Variants in RFX7 observed in about 807,000 individuals in gnomAD.
The protein encoded by RFX7 is regulatory factor X7.
Under a neutral mutation model 111.8 loss-of-function variants are expected in RFX7, and 26 were observed. The observed-to-expected ratio is 0.23, with a 90% confidence interval of 0.17 to 0.32. RFX7 has a LOEUF of 0.32. Among genes scored for constraint, RFX7 ranks in the 10% least tolerant of loss-of-function variants. The probability of loss-of-function intolerance (pLI) is 1.00; values close to 1 mark genes in which losing one functional copy is unlikely to be tolerated. For synonymous variants in RFX7, 624 were observed against 624.4 expected, an observed-to-expected ratio of 1.00 and a Z score of 0.01; for missense variants, 1,573 against 1,772.9, an observed-to-expected ratio of 0.89 and a Z score of 2.02.
At chr15:56,164,719 T>G (rs2042763417) in intron 3 of RFX7, among the ~76,000 whole-genome samples, 1 of 152,160 alleles carries the variant, frequency 6.6e-6, no homozygotes, top group African/African-American at 2.4e-5. Flanking sequence ...ATTTTTTTTC[T>G]TTTTTAGGTT....
At chr15:56,238,272 A>T (rs1417768213) in intron 2 of RFX7, among the ~76,000 whole-genome samples, 3 of 152,108 alleles carry the variant, frequency 2.0e-5, no homozygotes, top group African/African-American at 7.2e-5. Flanking sequence ...GATGGAAACA[A>T]GAGATTAATC....
rs1162836454 is a variant in RFX7 at position 56,116,869 on chromosome 15, G to GT, written c.402-13200dup. On this transcript the variant is annotated intron_variant, in intron 5 of 9. Transcript: ENST00000559447. ...GTACAAATTGTACAAACATTGTACAGTTGTACAAACTGTACAAATATTGAG... is the reference window on the plus strand; with the variant it reads ...GTACAAATTGTACAAACATTGTACAGTTTGTACAAACTGTACAAATATTGAG... 5.3e-5 allele frequency among the ~76,000 whole-genome samples: 8 copies of GT among 151,792 alleles called. No homozygotes were observed. In the East Asian group the frequency reaches 1.4e-3, roughly 26 times the overall value.
chr15:56,191,652 T>C (rs1444139305), intron 2 of RFX7, among the ~76,000 whole-genome samples: 1 of 152,186 alleles, frequency 6.6e-6, no homozygotes, highest in South Asian at 2.1e-4. Context: ...ATTTTATTAG[T>C]CCATTTATAG....
At chr15:56,125,610 AGTGTGTGTGTGTGTGTGT>A (rs10564650) in intron 5 of RFX7, among the ~76,000 whole-genome samples, 1 of 146,954 alleles carries the variant, frequency 6.8e-6, no homozygotes, top group Non-Finnish European at 1.5e-5. Context: ...TGTGTGTGTG[AGTGTGTGTGTGTGTGTGT>A]GTGTGTGTGT....
rs535395578 is a variant in RFX7, at chr15:56,140,816, G to T, written c.401+1962C>A. On this transcript the variant is annotated intron_variant, in intron 5 of 9. Transcript: ENST00000559447. ...GGGAATCTTTGAAAAAGATTTCAAG[G>T]AAAAATTCAAATATTATAGGAAAAC... 7.2e-5 allele frequency among the ~76,000 whole-genome samples: 11 copies of T among 152,208 alleles called. No homozygotes were observed. The East Asian group carries it at 1.9e-3, about 27-fold the overall frequency.
chr15:56,173,346 TC>T (rs2042866103), intron 3 of RFX7, among the ~76,000 whole-genome samples: 1 of 151,908 alleles, frequency 6.6e-6, no homozygotes, highest in Non-Finnish European at 1.5e-5. Context: ...AGAACAAACT[TC>T]AATACACTTC....
intron 9 of RFX7, among the ~76,000 whole-genome samples, chr15:56,097,746 C>CAAAAAAAAAAAAAAAAAAAAAAAAAAAA (rs67718449): frequency 2.1e-5 from 1 of 47,338 alleles, no homozygotes; most frequent in Non-Finnish European, 3.3e-5. Context: ...GACTCTGTCT[C>CAAAAAAAAAAAAAAAAAAAAAAAAAAAA]AAAAAAAAAA....
At chr15:56,216,072 G>A (rs971721487) in intron 2 of RFX7, among the ~76,000 whole-genome samples, 6 of 152,146 alleles carry the variant, frequency 3.9e-5, no homozygotes, top group African/African-American at 1.4e-4. Context: ...CACCATGTCT[G>A]CTTTTCTTCT....
chr15:56,106,113 G>A (rs557594914), intron 5 of RFX7, among the ~76,000 whole-genome samples: 2 of 152,058 alleles, frequency 1.3e-5, no homozygotes, highest in Non-Finnish European at 2.9e-5. Context: ...TGCCTCACTG[G>A]GCCCAGTAAT....
Position 56,087,462 on chromosome 15 carries a change from T to C in RFX7, c.*5883A>G, listed in dbSNP as rs1207727040. On this transcript the variant is annotated 3_prime_UTR_variant, in exon 10 of 10. Transcript: ENST00000559447. ...AAGTCCAGGAGGGCTGCTTGAGTTC[T>C]AGCCATCACATTTGCATTCCAGCCA... 1 of 456,730 alleles carries C rather than the reference T, an allele frequency of 2.2e-6. No homozygotes were observed. The highest frequency in any genetic ancestry group is 6.9e-5 in the East Asian group (1 of 14,390). 28.3% of individuals were successfully genotyped at this position (456,730 alleles called of 1,614,324 possible). A position where few individuals can be genotyped will look rare whatever the true frequency, so the allele number is the denominator to read the frequency against.
In RFX7 at chr15:56,088,144, A is replaced by G; in HGVS notation, c.*5201T>C. On this transcript the variant is annotated 3_prime_UTR_variant, in exon 10 of 10. Transcript: ENST00000559447. ...CTCCACAAAAATCAAACTCAATTCT[A>G]AATTTAAAACCAGAATGAAAATTTC... The G allele has an allele frequency of 5.1e-6, 1 of 196,248 alleles. No individual in the cohort carries two copies. Among genetic ancestry groups the G allele is most frequent in the South Asian group, 7.5e-5 (1 of 13,248 alleles). 12.2% of individuals were successfully genotyped at this position (196,248 alleles called of 1,614,324 possible).
intron 3 of RFX7, among the ~76,000 whole-genome samples, chr15:56,147,685 T>G (rs1415034821): frequency 3.3e-5 from 5 of 152,130 alleles, no homozygotes; most frequent in African/African-American, 1.2e-4. Flanking sequence ...ACCATTCTCC[T>G]GACTCAGCCT....
At chr15:56,233,811 G>C (rs1450039625) in intron 2 of RFX7, among the ~76,000 whole-genome samples, 2 of 152,126 alleles carry the variant, frequency 1.3e-5, no homozygotes, top group African/African-American at 4.8e-5. Context: ...TTCCCACCCA[G>C]CTCACATCCT....
At chr15:56,124,663 G>GA (rs1451228247) in intron 5 of RFX7, among the ~76,000 whole-genome samples, 1 of 152,142 alleles carries the variant, frequency 6.6e-6, no homozygotes, top group Non-Finnish European at 1.5e-5. Flanking sequence ...CATCTTTTGA[G>GA]AAATGTCTAC....
At chr15:56,217,569 T>A (rs1032449461) in intron 2 of RFX7, among the ~76,000 whole-genome samples, 25 of 152,164 alleles carry the variant, frequency 1.6e-4, no homozygotes, top group Non-Finnish European at 4.4e-5. Context: ...TTTATAGACT[T>A]TATATAGACT....
intron 5 of RFX7, among the ~76,000 whole-genome samples, chr15:56,113,182 A>G (rs971634380): frequency 6.6e-5 from 10 of 152,230 alleles, no homozygotes; most frequent in African/African-American, 1.7e-4. Flanking sequence ...AAATCATTCT[A>G]TTATAAAGAC....
chr15:56,161,890 C>T (rs1263311555), intron 3 of RFX7, among the ~76,000 whole-genome samples: 2 of 152,002 alleles, frequency 1.3e-5, no homozygotes, highest in African/African-American at 4.8e-5. Context: ...AAATGAGAGC[C>T]ATCTTAAGAA....
chr15:56,243,406 G>A, intron 1 of RFX7, 39 bp downstream of exon 1: 1 of 1,070,498 alleles, frequency 9.3e-7, no homozygotes, highest in East Asian at 8.0e-5. Flanking sequence ...GGGAAGAGGA[G>A]GAGGAGGAGG....
At position 56,095,915 on chromosome 15, in the gene RFX7, G is replaced by C; in HGVS notation, c.1813C>G (p.Arg605Gly). ...GTGCCTGGCAGCATTTCATTACAGC[G>C]ACTTTTACATTTGGTCCTCTGGTCA... ...VCDQRTKCKSRCNEMLPGTST... is the reference protein window; with the variant it reads ...VCDQRTKCKSGCNEMLPGTST... Residue 605 changes from arginine (R) to glycine (G), a missense_variant, in exon 10 of 10, where the codon CGC becomes GGC. Coordinates refer to ENST00000559447, the MANE Select transcript of RFX7 (RefSeq NM_022841.7). The C allele has an allele frequency of 1.2e-6, 2 of 1,605,562 alleles. No homozygotes were observed. Among genetic ancestry groups the C allele is most frequent in the Non-Finnish European group, 1.7e-6 (2 of 1,179,794 alleles).
Sources: gnomAD v4.1 joint callset for allele counts (sites outside exome capture counted in the v4.1 genomes callset) on GRCh38, gnomAD v4.1.1 for gene constraint, MANE v1.5 for transcripts, NCBI Gene and HGNC (gene_info 2026-07-23, HGNC 2026-07-21) for gene names.